SNRPC: variants seen among roughly 807,000 people sequenced by gnomAD.
SNRPC encodes the protein small nuclear ribonucleoprotein polypeptide C, also known as U1 small nuclear ribonucleoprotein C.
A neutral mutation model predicts 20.0 loss-of-function variants in SNRPC; 5 were observed. That is an observed-to-expected ratio of 0.25 (90% CI 0.13 to 0.53). The LOEUF (loss-of-function observed/expected upper bound fraction) is 0.53, where lower values mean the gene tolerates loss of function less well. Among genes scored for constraint, SNRPC ranks in the 20% least tolerant of loss-of-function variants. The pLI, the probability that SNRPC is intolerant of heterozygous loss-of-function variation, is 0.96. For synonymous variants in SNRPC, 61 were observed against 58.7 expected, an observed-to-expected ratio of 1.04 and a Z score of -0.18; for missense variants, 112 against 224.1, an observed-to-expected ratio of 0.50 and a Z score of 3.19.
chr6:34,773,399 T>G lies in SNRPC; in HGVS notation c.356-47T>G. ...GTCCCATCAAACTCTCCCTAAATCG[T>G]ATTTTCTGACTCCCTTTTTCTCCCT... On this transcript the variant is annotated intron_variant, in intron 5 of 5. Coordinates refer to ENST00000244520, the MANE Select transcript of SNRPC (RefSeq NM_003093.3). This position sits in a 1 kb window ranked among gnomAD's most constrained non-coding sequence, Gnocchi z 4.1. 1.0e-5 allele frequency: 16 copies of G among 1,592,324 alleles called. No individual in the cohort carries two copies. The highest frequency in any genetic ancestry group is 1.3e-5 in the Non-Finnish European group (15 of 1,164,846).
rs1372269975 is a variant in SNRPC, at chr6:34,773,793, A to G, written c.*223A>G. 2.5e-5 allele frequency: 10 copies of G among 401,846 alleles called. No homozygotes were observed. Among genetic ancestry groups the G allele is most frequent in the Non-Finnish European group, 4.0e-5 (9 of 222,528 alleles). The allele number at this position is 401,846 out of a possible 1,614,324, so 24.9% of individuals were successfully genotyped here. A position where few individuals can be genotyped will look rare whatever the true frequency, so the allele number is the denominator to read the frequency against. On this transcript the variant is annotated 3_prime_UTR_variant, in exon 6 of 6. Coordinates refer to ENST00000244520, the MANE Select transcript of SNRPC (RefSeq NM_003093.3). The surrounding 1 kb of genome is among the most constrained non-coding windows in gnomAD (Gnocchi z 4.1). The stretch of plus-strand genomic sequence containing the variant: ...TAAAATTGTCAACTCTTTCAGTTAA[A>G]AGTGTGTTCCCTTTTTCCTCCTCTC...
chr6:34,765,938 A>C (rs760640098), intron 3 of SNRPC, among the ~76,000 whole-genome samples: 4 of 151,522 alleles, frequency 2.6e-5, no homozygotes, highest in Non-Finnish European at 5.9e-5. Context: ...ATGGTGTCTC[A>C]CTTTGTTGCC....
chr6:34,761,687 T>C (rs1211709813), intron 2 of SNRPC, among the ~76,000 whole-genome samples: 2 of 151,862 alleles, frequency 1.3e-5, no homozygotes, highest in East Asian at 1.9e-4. Flanking sequence ...TACTTTTTTG[T>C]ATTTTTAGCA....
At chr6:34,770,252 T>G in intron 4 of SNRPC, 39 bp from the exon 5 acceptor site, 1 of 1,362,848 alleles carries the variant, frequency 7.3e-7, no homozygotes, top group Non-Finnish European at 1.0e-6. Context: ...TGTTAATATG[T>G]GAGCACACCT....
chr6:34,767,358 C>T (rs905751939), intron 3 of SNRPC, among the ~76,000 whole-genome samples: 2 of 152,230 alleles, frequency 1.3e-5, no homozygotes, highest in Non-Finnish European at 2.9e-5. Context: ...TGGCGGCTCA[C>T]GCCTATAATC....
In SNRPC at chr6:34,767,915, A is replaced by G. The variant is rs1436855188; in HGVS notation, c.168A>G (p.Ala56=). The stretch of plus-strand genomic sequence containing the variant: ...TTTCCTCACCCTCCAAAGCGGCTGC[A>G]TTTCAACAAGGAAAGATACCTCCTA... ...AQSLIDKTTA[A]FQQGKIPPTP... The change falls in exon 4 of 6, where the codon GCA becomes GCG. Residue 56 remains alanine, a synonymous_variant. Transcript: ENST00000244520. 2 of 1,571,760 alleles carry G rather than the reference A, an allele frequency of 1.3e-6. No individual in the cohort carries two copies. Among genetic ancestry groups the G allele is most frequent in the African/African-American group, 1.5e-5 (1 of 68,182 alleles).
intron 5 of SNRPC, among the ~76,000 whole-genome samples, chr6:34,771,328 C>CAAAAAAA (rs774284128): frequency 1.6e-5 from 1 of 63,802 alleles, no homozygotes; most frequent in Non-Finnish European, 3.6e-5. Context: ...GACTGTGTCT[C>CAAAAAAA]AAAAAAAAAA....
intron 3 of SNRPC, 121 bp from the exon 4 acceptor site, chr6:34,767,787 A>G: frequency 3.1e-6 from 3 of 976,790 alleles, no homozygotes; most frequent in Non-Finnish European, 4.2e-6. Context: ...ATTTTAGATG[A>G]CAACTAGCAA....
chr6:34,768,889 A>G (rs1436337311), intron 4 of SNRPC, among the ~76,000 whole-genome samples: 1 of 152,116 alleles, frequency 6.6e-6, no homozygotes, highest in African/African-American at 2.4e-5. Context: ...TGAGTGCTGT[A>G]CTGGGTCGTA....
chr6:34,771,478 C>T, intron 5 of SNRPC, among the ~76,000 whole-genome samples: 1 of 152,038 alleles, frequency 6.6e-6, no homozygotes, highest in African/African-American at 2.4e-5. Flanking sequence ...TAATCTAGTT[C>T]CAATCTTTTA....
chr6:34,772,115 G>T (rs767736123), intron 5 of SNRPC, among the ~76,000 whole-genome samples: 4 of 152,178 alleles, frequency 2.6e-5, no homozygotes, highest in Non-Finnish European at 4.4e-5. Context: ...GGTGGACGGG[G>T]ATAGGAATGG....
intron 1 of SNRPC, 133 bp from the exon 2 acceptor site, chr6:34,757,779 G>A: frequency 6.3e-7 from 1 of 1,587,884 alleles, no homozygotes; most frequent in Non-Finnish European, 8.5e-7. Flanking sequence ...ACGCTTTGAT[G>A]CTTTTGAGTC....
chr6:34,767,893 C>G lies in SNRPC; in HGVS notation c.161-15C>G, dbSNP rs768412450. On this transcript the variant is annotated splice_polypyrimidine_tract_variant and intron_variant, in intron 3 of 5. Transcript: ENST00000244520. ...TATTCATCTTTTTTTTTTTTTTTTT[C>G]CTCACCCTCCAAAGCGGCTGCATTT... 3 of 1,263,636 alleles carry G rather than the reference C, an allele frequency of 2.4e-6. No homozygotes were observed. The highest frequency in any genetic ancestry group is 3.0e-6 in the Non-Finnish European group (3 of 999,902). The allele number at this position is 1,263,636 out of a possible 1,614,324, so 78.3% of individuals were successfully genotyped here. A position where few individuals can be genotyped will look rare whatever the true frequency, so the allele number is the denominator to read the frequency against.
intron 2 of SNRPC, among the ~76,000 whole-genome samples, chr6:34,758,584 A>G (rs13198620): frequency 0.44 from 66,542 of 151,822 alleles, 16,381 homozygotes; most frequent in African/African-American, 0.67. Flanking sequence ...CAAAGTGCTG[A>G]GATTACAGGT....
chr6:34,758,003 T>C (rs1324487287), intron 2 of SNRPC, 49 bp downstream of exon 2: 1 of 1,569,060 alleles, frequency 6.4e-7, no homozygotes. Flanking sequence ...TGTGTAATAA[T>C]TAAATGAGTT....
In SNRPC at chr6:34,757,547, C is replaced by T; in HGVS notation, c.4C>T (p.Pro2Ser). The change falls in exon 1 of 6, where the codon CCC becomes TCC. Residue 2 changes from proline to serine, a missense_variant. By Grantham distance (74) the Pro-to-Ser change is moderately conservative. Around this residue, in one of 3 missense-constraint regions of SNRPC, gnomAD observed 10 missense variants for 54.5 expected, o/e 0.18. Coordinates refer to ENST00000244520, the MANE Select transcript of SNRPC (RefSeq NM_003093.3). ...GGCCAACGGCCTGCAGAGCAACATG[C>T]CCAAGTGAGTGGGGCCCCGAAATCT... The part of the protein sequence containing the change: M[P>S]KFYCDYCDTY... 1 of 1,613,386 alleles carries T rather than the reference C, an allele frequency of 6.2e-7. No individual in the cohort carries two copies. The highest frequency in any genetic ancestry group is 8.5e-7 in the Non-Finnish European group (1 of 1,179,398).
chr6:34,770,170 C>T (rs892854324), intron 4 of SNRPC, 121 bp from the exon 5 acceptor site: 12 of 762,344 alleles, frequency 1.6e-5, no homozygotes, highest in South Asian at 1.3e-4. Flanking sequence ...TGTGGTGAGC[C>T]GAGATTGTGC....
chr6:34,769,024 G>C (rs1764652244), intron 4 of SNRPC, among the ~76,000 whole-genome samples: 1 of 152,058 alleles, frequency 6.6e-6, no homozygotes. Context: ...GCACACTAAT[G>C]TAGGTGGACC....
At chr6:34,771,610 A>G (rs745311946) in intron 5 of SNRPC, among the ~76,000 whole-genome samples, 2 of 152,198 alleles carry the variant, frequency 1.3e-5, no homozygotes, top group Non-Finnish European at 2.9e-5. Context: ...ATTGGTTTGC[A>G]GAAAAATTAT....
Sources: allele counts gnomAD v4.1 joint callset (sites outside exome capture counted in the v4.1 genomes callset), GRCh38; gene constraint gnomAD v4.1.1; regional missense constraint gnomAD v4.1.1; non-coding constraint Gnocchi (gnomAD v3.1); transcripts MANE v1.5; gene names NCBI Gene and HGNC (gene_info 2026-07-23, HGNC 2026-07-21).